BCAS3: variants seen among roughly 807,000 people sequenced by gnomAD.
BCAS3 encodes the protein BCAS4/BCAS3 fusion.
In BCAS3, 53 loss-of-function variants were observed where a neutral mutation model predicts 116.1. The ratio of observed to expected loss-of-function variants is 0.46; its 90% CI spans 0.37 to 0.57. The LOEUF (loss-of-function observed/expected upper bound fraction) is 0.57. Among genes scored for constraint, BCAS3 ranks in the 20% least tolerant of loss-of-function variants. BCAS3 has a pLI of 0.00. For missense variants in BCAS3, 917 were observed against 1,165.4 expected (o/e 0.79, Z 3.10); for synonymous variants, 391 against 408.2 (o/e 0.96, Z 0.51).
chr17:61,350,158 T>C (rs1007053698), intron 22 of BCAS3, among the ~76,000 whole-genome samples: 1 of 152,098 alleles, frequency 6.6e-6, no homozygotes, highest in Non-Finnish European at 1.5e-5. Flanking sequence ...CTGGGTGCCA[T>C]GGCTCATGGC....
At chr17:60,701,495 A>G (rs746337989) in intron 4 of BCAS3, among the ~76,000 whole-genome samples, 1 of 152,186 alleles carries the variant, frequency 6.6e-6, no homozygotes, top group Non-Finnish European at 1.5e-5. Context: ...TTATACCCAA[A>G]CTTTTTGGAA....
Position 61,303,749 on chromosome 17 carries a change from T to C in BCAS3, c.2426-64578T>C, listed in dbSNP as rs529332182. On this transcript the variant is annotated intron_variant, in intron 22 of 23. Coordinates refer to ENST00000407086, the MANE Select transcript of BCAS3 (RefSeq NM_017679.5). ...CTTTTGTTCCCTTACAGCAAGCACT[T>C]ACCGTGCTGTACTGTGGTTTTCTGC... is the stretch of plus-strand genomic sequence containing the variant. Among the ~76,000 whole-genome samples the C allele has an allele frequency of 3.3e-5, 5 of 152,308 alleles. No homozygotes were observed. In the South Asian group the frequency reaches 1.0e-3, roughly 32 times the overall value.
intron 7 of BCAS3, among the ~76,000 whole-genome samples, chr17:60,813,843 T>G (rs955908962): frequency 6.6e-6 from 1 of 152,206 alleles, no homozygotes; most frequent in Non-Finnish European, 1.5e-5. Context: ...TGTAGATATA[T>G]GCAGCTTTAT....
intron 15 of BCAS3, among the ~76,000 whole-genome samples, chr17:61,009,083 T>C (rs1253717285): frequency 1.3e-5 from 2 of 152,054 alleles, no homozygotes; most frequent in East Asian, 3.9e-4. Context: ...TACTGAGTTA[T>C]AGGAAGGTGT....
Position 60,874,690 on chromosome 17 carries a change from AT to A in BCAS3, c.615del (p.Ile205MetfsTer26). 1 of 1,611,838 alleles carries A rather than the reference AT, an allele frequency of 6.2e-7. No individual in the cohort carries two copies. The highest frequency in any genetic ancestry group is 8.5e-7 in the Non-Finnish European group (1 of 1,179,054). On this transcript the variant is annotated frameshift_variant, in exon 9 of 24. Transcript: ENST00000407086. LOFTEE classifies it high-confidence loss of function. ...CCTTGTCGTAGTCTTGCAGGAGAAAATTGCTGCCTTTGATAGCTGTACTTTC... is the reference window on the plus strand; with the variant it reads ...CCTTGTCGTAGTCTTGCAGGAGAAAATGCTGCCTTTGATAGCTGTACTTTC... ...RILVVVLQEKIAAFDSCTFTK... is the reference protein window; with the variant it reads ...RILVVVLQEKXAAFDSCTFTK...
intron 13 of BCAS3, among the ~76,000 whole-genome samples, chr17:60,946,587 G>C (rs1394656378): frequency 6.6e-6 from 1 of 151,956 alleles, no homozygotes; most frequent in Non-Finnish European, 1.5e-5. Context: ...TTTCATGGGG[G>C]GTATGTCATT....
Position 61,327,914 on chromosome 17 carries a change from T to C in BCAS3, c.2426-40413T>C, listed in dbSNP as rs1487333236. On this transcript the variant is annotated intron_variant, in intron 22 of 23. Transcript: ENST00000407086. This position sits in a 1 kb window ranked among gnomAD's most constrained non-coding sequence, Gnocchi z 5.9. Reference sequence around the variant, plus strand: ...GTTGATCAGACACTGTTGGTGTAAATTGGTGCACCCTTTTTGGAAGGCAGT... The same window carrying C: ...GTTGATCAGACACTGTTGGTGTAAACTGGTGCACCCTTTTTGGAAGGCAGT... Among the ~76,000 whole-genome samples, 1 of 152,204 alleles carries C rather than the reference T, an allele frequency of 6.6e-6. No homozygotes were observed. The highest frequency in any genetic ancestry group is 1.5e-5 in the Non-Finnish European group (1 of 68,042).
chr17:61,051,658 C>G lies in BCAS3; in HGVS notation c.2029+10766C>G, dbSNP rs1316376105. Among the ~76,000 whole-genome samples the G allele has an allele frequency of 1.3e-5, 2 of 152,144 alleles. No individual in the cohort carries two copies. Among genetic ancestry groups the G allele is most frequent in the East Asian group, 3.8e-4 (2 of 5,196 alleles). Reference sequence around the variant, plus strand: ...TGTCACTCAGACTGGAGTGCAGTGTCTTAGTCATGGTTCACTGTGGCCTCC... The same window carrying G: ...TGTCACTCAGACTGGAGTGCAGTGTGTTAGTCATGGTTCACTGTGGCCTCC... On this transcript the variant is annotated intron_variant, in intron 19 of 23. Coordinates refer to ENST00000407086, the MANE Select transcript of BCAS3 (RefSeq NM_017679.5). The surrounding 1 kb of genome is among the most constrained non-coding windows in gnomAD (Gnocchi z 4.1).
chr17:61,272,552 T>C (rs1364808987), intron 22 of BCAS3, among the ~76,000 whole-genome samples: 1 of 142,306 alleles, frequency 7.0e-6, no homozygotes, highest in African/African-American at 2.6e-5. Flanking sequence ...GGTGGGAGGA[T>C]TGCTTGAGCC....
intron 22 of BCAS3, among the ~76,000 whole-genome samples, chr17:61,165,114 A>T (rs2144083787): frequency 6.6e-6 from 1 of 152,080 alleles, no homozygotes; most frequent in African/African-American, 2.4e-5. Flanking sequence ...TTCAATTCTT[A>T]CTCCTTTTTT....
Position 61,008,686 on chromosome 17 carries a change from A to G in BCAS3, c.1487-7065A>G, listed in dbSNP as rs1326473544. Among the ~76,000 whole-genome samples, 1 of 151,980 alleles carries G rather than the reference A, an allele frequency of 6.6e-6. No individual in the cohort carries two copies. Among genetic ancestry groups the G allele is most frequent in the Non-Finnish European group, 1.5e-5 (1 of 67,952 alleles). ...GCTCTTCTGTAGAAGACAAAAGTTT[A>G]CCAAAAAATAAAAAATAAAAAAATA... On this transcript the variant is annotated intron_variant, in intron 15 of 23. Coordinates refer to ENST00000407086, the MANE Select transcript of BCAS3 (RefSeq NM_017679.5). The surrounding 1 kb of genome is among the most constrained non-coding windows in gnomAD (Gnocchi z 4.6).
chr17:60,922,968 A>G lies in BCAS3; in HGVS notation c.994-1439A>G, dbSNP rs547721575. Among the ~76,000 whole-genome samples, 4 of 152,336 alleles carry G rather than the reference A, an allele frequency of 2.6e-5. No homozygotes were observed. In the East Asian group the frequency reaches 7.7e-4, roughly 29 times the overall value. ...TATGGAAGAAAATTTACAGCTTTAA[A>G]TGCTTATATTAGGACAAGAAAATGG... On this transcript the variant is annotated intron_variant, in intron 12 of 23. Transcript: ENST00000407086.
chr17:61,070,395 ATAT>A (rs2071284520), intron 19 of BCAS3: 2 of 168,364 alleles, frequency 1.2e-5, no homozygotes, highest in South Asian at 2.9e-4. Flanking sequence ...ATATATATAT[ATAT>A]ATCTTTTCAC....
chr17:61,105,777 G>GAA lies in BCAS3; in HGVS notation c.2425+21222_2425+21223dup, dbSNP rs5821300. 2.1e-4 allele frequency among the ~76,000 whole-genome samples: 32 copies of GAA among 150,342 alleles called. No individual in the cohort carries two copies. The highest frequency in any genetic ancestry group is 3.4e-3 in the Middle Eastern group (1 of 290). ...TTGCTTTAAGTGTTGGGAGAAAATG[G>GAA]AAAAAAAAAAGTTAGAGCTTTAGTA... On this transcript the variant is annotated intron_variant, in intron 22 of 23. Coordinates refer to ENST00000407086, the MANE Select transcript of BCAS3 (RefSeq NM_017679.5). This position sits in a 1 kb window ranked among gnomAD's most constrained non-coding sequence, Gnocchi z 4.3.
chr17:60,809,287 AGAG>A (rs1447662423), intron 7 of BCAS3, among the ~76,000 whole-genome samples: 7 of 147,326 alleles, frequency 4.8e-5, no homozygotes, highest in African/African-American at 1.6e-4. Context: ...AAAAAAAAAA[AGAG>A]AGAGTTTGTG....
rs1045224108 is a variant in BCAS3, at chr17:60,964,727, T to C, written c.1221+17375T>C. Among the ~76,000 whole-genome samples, 9 of 152,160 alleles carry C rather than the reference T, an allele frequency of 5.9e-5. No individual in the cohort carries two copies. The highest frequency in any genetic ancestry group is 1.9e-4 in the African/African-American group (8 of 41,456). On this transcript the variant is annotated intron_variant, in intron 14 of 23. Coordinates refer to ENST00000407086, the MANE Select transcript of BCAS3 (RefSeq NM_017679.5). This position sits in a 1 kb window ranked among gnomAD's most constrained non-coding sequence, Gnocchi z 4.6. ...ACAGCTTCAGTTTTGTTACTTGTTA[T>C]TGGTTTGTTGAGGTTTTCTGTTTCT...
At chr17:60,841,504 C>T (rs1039427278) in intron 7 of BCAS3, among the ~76,000 whole-genome samples, 3 of 150,162 alleles carry the variant, frequency 2.0e-5, no homozygotes, top group Non-Finnish European at 4.4e-5. Context: ...CTCAGCCTCC[C>T]GAGTAGCTGG....
intron 22 of BCAS3, among the ~76,000 whole-genome samples, chr17:61,187,254 A>C (rs2079834931): frequency 6.6e-6 from 1 of 152,246 alleles, no homozygotes; most frequent in Non-Finnish European, 1.5e-5. Context: ...AAATACTCTC[A>C]GCATGAGGCT....
rs1446003812 is a variant in BCAS3, at chr17:61,096,065, T to C, written c.2425+11501T>C. On this transcript the variant is annotated intron_variant, in intron 22 of 23. Coordinates refer to ENST00000407086, the MANE Select transcript of BCAS3 (RefSeq NM_017679.5). ...CAGGCTGGAGTGCAGTGGTGTGATA[T>C]CGGTTCACTGCAACCTCCACCTCCA... is the stretch of plus-strand genomic sequence containing the variant. Among the ~76,000 whole-genome samples the C allele has an allele frequency of 1.3e-5, 2 of 152,132 alleles. 1 individual carries two copies. The highest frequency in any genetic ancestry group is 2.9e-5 in the Non-Finnish European group (2 of 68,024).
Sources: gnomAD v4.1 joint callset for allele counts (sites outside exome capture counted in the v4.1 genomes callset) on GRCh38, gnomAD v4.1.1 for gene constraint, Gnocchi (gnomAD v3.1) non-coding constraint, MANE v1.5 for transcripts, NCBI Gene and HGNC (gene_info 2026-07-23, HGNC 2026-07-21) for gene names.